PLCB1: variants seen among roughly 807,000 people sequenced by gnomAD.
The protein encoded by PLCB1 is 1-phosphatidylinositol 4,5-bisphosphate phosphodiesterase beta-1.
A neutral mutation model predicts 161.8 loss-of-function variants in PLCB1; 46 were observed. That is an observed-to-expected ratio of 0.28 (90% CI 0.22 to 0.36). The LOEUF (loss-of-function observed/expected upper bound fraction) is 0.36. Ranked by LOEUF, PLCB1 falls within the 10% of genes least tolerant of loss-of-function variation. PLCB1 has a pLI of 1.00. For missense variants in PLCB1, 1,016 were observed against 1,472.5 expected (o/e 0.69, Z 5.07); for synonymous variants, 517 against 503.7 (o/e 1.03, Z -0.35).
intron 21 of PLCB1, among the ~76,000 whole-genome samples, 164 bp from the exon 22 acceptor site, chr20:8,740,180 A>G (rs1371463819): frequency 6.6e-6 from 1 of 152,192 alleles, no homozygotes; most frequent in Non-Finnish European, 1.5e-5. Context: ...GTCTGATGAG[A>G]AAAATAATGC....
At chr20:8,404,520 T>C (rs1568663549) in intron 3 of PLCB1, among the ~76,000 whole-genome samples, 1 of 152,194 alleles carries the variant, frequency 6.6e-6, no homozygotes, top group Non-Finnish European at 1.5e-5. Context: ...CCTTCTTCCT[T>C]TTTTCTCCCC....
intron 23 of PLCB1, among the ~76,000 whole-genome samples, chr20:8,741,954 A>G (rs1219010040): frequency 6.6e-6 from 1 of 152,206 alleles, no homozygotes; most frequent in South Asian, 2.1e-4. Context: ...CAGGATTTTC[A>G]AAGTGCTTTT....
intron 2 of PLCB1, among the ~76,000 whole-genome samples, chr20:8,226,691 T>G (rs940598501): frequency 7.6e-6 from 1 of 131,432 alleles, no homozygotes; most frequent in African/African-American, 3.5e-5. Context: ...GTAAAACTAA[T>G]TTTTTTTTTT....
At chr20:8,331,159 G>A (rs1184925638) in intron 2 of PLCB1, among the ~76,000 whole-genome samples, 1 of 152,092 alleles carries the variant, frequency 6.6e-6, no homozygotes, top group Non-Finnish European at 1.5e-5. Context: ...AGTGGAATTG[G>A]GCTTAACCTC....
At chr20:8,444,596 T>C (rs889866635) in intron 3 of PLCB1, among the ~76,000 whole-genome samples, 1 of 152,230 alleles carries the variant, frequency 6.6e-6, no homozygotes, top group Non-Finnish European at 1.5e-5. Context: ...ATGGTATTTC[T>C]AGTTCTAGAT....
At chr20:8,817,721 A>G (rs765486527) in intron 31 of PLCB1, among the ~76,000 whole-genome samples, 6 of 152,304 alleles carry the variant, frequency 3.9e-5, no homozygotes, top group Non-Finnish European at 8.8e-5. Flanking sequence ...AAGCAATCAC[A>G]ATGAATACGA....
intron 2 of PLCB1, among the ~76,000 whole-genome samples, chr20:8,217,612 G>A (rs1979200902): frequency 6.6e-6 from 1 of 152,144 alleles, no homozygotes; most frequent in Non-Finnish European, 1.5e-5. Context: ...TTTTCCAGTA[G>A]GATGATGCAT....
intron 10 of PLCB1, among the ~76,000 whole-genome samples, chr20:8,689,051 C>A (rs560993580): frequency 6.7e-6 from 1 of 148,762 alleles, no homozygotes; most frequent in African/African-American, 2.5e-5. Flanking sequence ...CTTGTAGAAG[C>A]CTTTTGACTC....
intron 9 of PLCB1, among the ~76,000 whole-genome samples, chr20:8,671,597 A>C (rs1600240467): frequency 6.6e-6 from 1 of 152,334 alleles, no homozygotes; most frequent in East Asian, 1.9e-4. Context: ...TTCTTTACAC[A>C]GAAAGATTAA....
At chr20:8,649,329 C>T (rs750055005) in intron 6 of PLCB1, 45 bp from the exon 7 acceptor site, 2 of 1,234,228 alleles carry the variant, frequency 1.6e-6, no homozygotes, top group Non-Finnish European at 2.4e-6. Context: ...TGCTGTGATC[C>T]ATGTGCCATT....
chr20:8,174,442 C>T (rs1014768729), intron 2 of PLCB1, among the ~76,000 whole-genome samples: 1 of 152,058 alleles, frequency 6.6e-6, no homozygotes, highest in African/African-American at 2.4e-5. Context: ...AAGTAGCAGA[C>T]CCACCCATTA....
chr20:8,488,909 G>T (rs1982837098), intron 3 of PLCB1, among the ~76,000 whole-genome samples: 1 of 152,086 alleles, frequency 6.6e-6, no homozygotes, highest in South Asian at 2.1e-4. Flanking sequence ...ACATTTAATT[G>T]ATAGCTTATT....
At chr20:8,182,730 G>A (rs970268544) in intron 2 of PLCB1, among the ~76,000 whole-genome samples, 3 of 151,754 alleles carry the variant, frequency 2.0e-5, no homozygotes, top group South Asian at 2.1e-4. Flanking sequence ...ACAGGCGCCC[G>A]CAACCATGCC....
chr20:8,832,488 A>C (rs1343646448), intron 31 of PLCB1, among the ~76,000 whole-genome samples: 2 of 152,234 alleles, frequency 1.3e-5, no homozygotes, highest in African/African-American at 4.8e-5. Context: ...AGAAATTCTG[A>C]ACTTGGATCT....
intron 2 of PLCB1, among the ~76,000 whole-genome samples, chr20:8,344,638 C>T (rs74341757): frequency 6.6e-6 from 1 of 152,296 alleles, no homozygotes; most frequent in East Asian, 1.9e-4. Context: ...GTCACGTCCC[C>T]TGTAGTATAT....
intron 2 of PLCB1, among the ~76,000 whole-genome samples, chr20:8,202,874 G>A (rs1307133397): frequency 2.0e-5 from 3 of 152,166 alleles, no homozygotes; most frequent in Middle Eastern, 3.2e-3. Flanking sequence ...GAGCAGAGAT[G>A]AGGAAGAACA....
chr20:8,609,118 T>C (rs979495446), intron 3 of PLCB1, among the ~76,000 whole-genome samples: 1 of 152,208 alleles, frequency 6.6e-6, no homozygotes, highest in Non-Finnish European at 1.5e-5. Flanking sequence ...TTTTCATATA[T>C]GCAGTAGGCA....
At position 8,175,472 on chromosome 20, in the gene PLCB1, A is replaced by T. The variant is rs200122379; in HGVS notation, c.177+25101A>T. Among the ~76,000 whole-genome samples the T allele has an allele frequency of 5.8e-4, 88 of 152,056 alleles. 1 individual carries two copies. The highest frequency in any genetic ancestry group is 1.3e-3 in the Admixed American group (20 of 15,270). On this transcript the variant is annotated intron_variant, in intron 2 of 31. Transcript: ENST00000338037. ...CAAAAAATAAGTAAAAATAAAAAAA[A>T]AAGTATAAAATGAAGTTCAACATAA... is the stretch of plus-strand genomic sequence containing the variant.
intron 2 of PLCB1, among the ~76,000 whole-genome samples, chr20:8,293,648 G>A (rs940539643): frequency 4.6e-5 from 7 of 151,894 alleles, no homozygotes; most frequent in African/African-American, 1.7e-4. Flanking sequence ...ATAAAGTGCA[G>A]ATTTCATCTC....
Sources: gnomAD v4.1 joint callset for allele counts (sites outside exome capture counted in the v4.1 genomes callset) on GRCh38, gnomAD v4.1.1 for gene constraint, MANE v1.5 for transcripts, NCBI Gene and HGNC (gene_info 2026-07-23, HGNC 2026-07-21) for gene names.